SLC2A13: variants seen among roughly 807,000 people sequenced by gnomAD.
The protein encoded by SLC2A13 is proton myo-inositol cotransporter.
In SLC2A13, 32 loss-of-function variants were observed where a neutral mutation model predicts 64.4. The ratio of observed to expected loss-of-function variants is 0.50; its 90% CI spans 0.37 to 0.67. The LOEUF (loss-of-function observed/expected upper bound fraction) is 0.67, where lower values mean the gene tolerates loss of function less well. Ranked by LOEUF, SLC2A13 falls within the 30% of genes least tolerant of loss-of-function variation. The probability of loss-of-function intolerance (pLI) is 0.00; values close to 1 mark genes in which losing one functional copy is unlikely to be tolerated. For missense variants in SLC2A13, 743 were observed against 829.2 expected, an observed-to-expected ratio of 0.90 and a Z score of 1.28; for synonymous variants, 338 against 327.1, an observed-to-expected ratio of 1.03 and a Z score of -0.36.
In SLC2A13 at chr12:40,082,069, T is replaced by C. The variant is rs563121210; in HGVS notation, c.556+23184A>G. On this transcript the variant is annotated intron_variant, in intron 1 of 9. Coordinates refer to ENST00000280871, the MANE Select transcript of SLC2A13 (RefSeq NM_052885.4). ...TCCTGCTGTGCTGAAGGGGCTGAGG[T>C]GTTCCCAGTCTGCTGGTAACACTCC... is the stretch of plus-strand genomic sequence containing the variant. Among the ~76,000 whole-genome samples the C allele has an allele frequency of 2.0e-5, 3 of 152,228 alleles. No homozygotes were observed. The East Asian group carries it at 5.8e-4, about 30-fold the overall frequency.
At chr12:39,875,567 C>T (rs75290948) in intron 4 of SLC2A13, among the ~76,000 whole-genome samples, 3,537 of 152,104 alleles carry the variant, frequency 0.023, 146 homozygotes, top group African/African-American at 0.081. Flanking sequence ...TCACAGTAAA[C>T]GTACTAATAA....
chr12:39,944,978 G>A (rs1946110851), intron 4 of SLC2A13, among the ~76,000 whole-genome samples: 1 of 152,132 alleles, frequency 6.6e-6, no homozygotes, highest in African/African-American at 2.4e-5. Flanking sequence ...GCTTTAAAGA[G>A]TTTCTGTTTT....
chr12:39,756,323 C>G lies in SLC2A13; in HGVS notation c.*3703G>C, dbSNP rs1281121330. ...CATCTATTTCTTTTACTCATAGATACTGAAAAGGTCTTAATTTGGTAATTA... is the reference window on the plus strand; with the variant it reads ...CATCTATTTCTTTTACTCATAGATAGTGAAAAGGTCTTAATTTGGTAATTA... On this transcript the variant is annotated 3_prime_UTR_variant, in exon 10 of 10. Coordinates refer to ENST00000280871, the MANE Select transcript of SLC2A13 (RefSeq NM_052885.4). 1.3e-5 allele frequency: 2 copies of G among 151,788 alleles called. No individual in the cohort carries two copies. The highest frequency in any genetic ancestry group is 3.8e-4 in the East Asian group (2 of 5,306). The allele number at this position is 151,788 out of a possible 1,614,324, so 9.4% of individuals were successfully genotyped here.
intron 7 of SLC2A13, 113 bp from the exon 8 acceptor site, chr12:39,764,971 A>C (rs1940295586): frequency 8.1e-7 from 1 of 1,229,900 alleles, no homozygotes; most frequent in Non-Finnish European, 1.1e-6. Context: ...AAGAGTCCAA[A>C]ATGTTTTTCT....
At chr12:39,911,415 G>A (rs1447878838) in intron 4 of SLC2A13, among the ~76,000 whole-genome samples, 1 of 151,852 alleles carries the variant, frequency 6.6e-6, no homozygotes, top group Non-Finnish European at 1.5e-5. Flanking sequence ...ATCTTATTTT[G>A]TTGTTTTAGG....
Position 39,812,384 on chromosome 12 carries a change from TTCTTTCTC to T in SLC2A13, c.1445+17711_1445+17718del, listed in dbSNP as rs766758934. On this transcript the variant is annotated intron_variant, in intron 7 of 9. Transcript: ENST00000280871. ...TTTCTTTTCTTTTCTTTTCTTTTCT[TTCTTTCTC>T]TCTCTCTTTCTTCCTTCCTTCCTTC... Among the ~76,000 whole-genome samples, 789 of 124,372 alleles carry T rather than the reference TTCTTTCTC, an allele frequency of 6.3e-3. 1 individual carries two copies. Among genetic ancestry groups the T allele is most frequent in the Middle Eastern group, 0.022 (5 of 232 alleles). The allele number at this position is 124,372 out of a possible 152,430, so 81.6% of individuals were successfully genotyped here.
intron 9 of SLC2A13, among the ~76,000 whole-genome samples, chr12:39,763,628 C>T (rs556682595): frequency 2.0e-5 from 3 of 151,938 alleles, no homozygotes; most frequent in Non-Finnish European, 2.9e-5. Flanking sequence ...AAAGAGATTG[C>T]GGGGAGATGA....
chr12:39,795,448 A>AT (rs1941543887), intron 7 of SLC2A13, among the ~76,000 whole-genome samples: 2 of 151,994 alleles, frequency 1.3e-5, no homozygotes, highest in African/African-American at 4.8e-5. Flanking sequence ...AAACACAGTG[A>AT]TTTTATATTT....
chr12:39,963,438 C>A (rs1946452272), intron 3 of SLC2A13, among the ~76,000 whole-genome samples: 1 of 152,062 alleles, frequency 6.6e-6, no homozygotes, highest in East Asian at 1.9e-4. Flanking sequence ...CTTATAATTT[C>A]TTTCCTTTAT....
chr12:39,895,989 CATAT>C (rs1274011465), intron 4 of SLC2A13, among the ~76,000 whole-genome samples: 3 of 143,266 alleles, frequency 2.1e-5, no homozygotes, highest in Admixed American at 6.9e-5. Context: ...TACATACATT[CATAT>C]ATGTGTATAT....
At chr12:39,987,806 G>C (rs939199930) in intron 3 of SLC2A13, among the ~76,000 whole-genome samples, 5 of 151,934 alleles carry the variant, frequency 3.3e-5, no homozygotes, top group African/African-American at 1.2e-4. Context: ...ATACTTGTGA[G>C]TGCTTATTTT....
intron 2 of SLC2A13, among the ~76,000 whole-genome samples, chr12:40,036,217 G>T (rs890382060): frequency 1.3e-5 from 2 of 152,190 alleles, no homozygotes; most frequent in South Asian, 2.1e-4. Flanking sequence ...TCCAACAGAA[G>T]CTATTAGAAA....
intron 3 of SLC2A13, among the ~76,000 whole-genome samples, chr12:40,009,390 G>C (rs914427364): frequency 6.6e-6 from 1 of 152,052 alleles, no homozygotes; most frequent in African/African-American, 2.4e-5. Context: ...ATAATATTGT[G>C]ACTATTAATA....
intron 7 of SLC2A13, among the ~76,000 whole-genome samples, chr12:39,778,308 C>G (rs1034630687): frequency 6.6e-6 from 1 of 152,198 alleles, no homozygotes; most frequent in Non-Finnish European, 1.5e-5. Flanking sequence ...TTCAGTAGCA[C>G]CCTGCCCATG....
chr12:40,101,499 C>T (rs1297570946), intron 1 of SLC2A13, among the ~76,000 whole-genome samples: 2 of 151,992 alleles, frequency 1.3e-5, no homozygotes, highest in Non-Finnish European at 2.9e-5. Context: ...ATTGCTAATA[C>T]CCAAAATTTC....
chr12:40,046,539 AAGAC>A (rs1422956358), intron 2 of SLC2A13, among the ~76,000 whole-genome samples: 4 of 152,210 alleles, frequency 2.6e-5, no homozygotes, highest in Non-Finnish European at 5.9e-5. Context: ...TGTAAGTTGA[AAGAC>A]TGACTTCCAT....
intron 1 of SLC2A13, among the ~76,000 whole-genome samples, chr12:40,069,907 T>G (rs1937887757): frequency 6.6e-6 from 1 of 152,120 alleles, no homozygotes; most frequent in South Asian, 2.1e-4. Context: ...ACAATCAGTT[T>G]AAGAGAGCTA....
intron 2 of SLC2A13, among the ~76,000 whole-genome samples, chr12:40,046,846 G>A (rs535894596): frequency 6.6e-6 from 1 of 151,616 alleles, no homozygotes; most frequent in East Asian, 1.9e-4. Context: ...GGTTTATCGT[G>A]CTTCTTACAA....
intron 9 of SLC2A13, among the ~76,000 whole-genome samples, chr12:39,760,720 C>T (rs907762748): frequency 6.6e-6 from 1 of 151,824 alleles, no homozygotes; most frequent in African/African-American, 2.4e-5. Flanking sequence ...ATGTAAACTC[C>T]ATGAAGTCAG....
Sources: gnomAD v4.1 joint callset for allele counts (sites outside exome capture counted in the v4.1 genomes callset) on GRCh38, gnomAD v4.1.1 for gene constraint, MANE v1.5 for transcripts, NCBI Gene and HGNC (gene_info 2026-07-23, HGNC 2026-07-21) for gene names.